Variants in ZFP69 observed in about 807,000 individuals in gnomAD.
ZFP69 encodes the protein zinc finger protein 69 homolog.
ZFP69 carries 35 observed loss-of-function variants against 48.9 expected under a neutral mutation model. The observed-to-expected ratio is 0.72, with a 90% CI of 0.55 to 0.95. ZFP69 has a LOEUF of 0.95. ZFP69 is among the 40% of genes least tolerant of loss of function. The pLI is 0.00. For synonymous variants in ZFP69, 193 were observed against 216.8 expected (o/e 0.89, Z 0.96); for missense variants, 557 against 638.4 (o/e 0.87, Z 1.37).
chr1:40,478,207 C>G (rs1228681047), intron 1 of ZFP69, among the ~76,000 whole-genome samples: 1 of 151,908 alleles, frequency 6.6e-6, no homozygotes, highest in Non-Finnish European at 1.5e-5. Context: ...GGGCCAGCTC[C>G]CTTCCCACGT....
rs748207589 is a variant in ZFP69, at chr1:40,496,093, T to C, written c.*34T>C. ...ATTTGACTTGAGAACAAAAGCCAAG[T>C]GTAAATTGGTGATTTAGAGTGCTTT... is the stretch of plus-strand genomic sequence containing the variant. On this transcript the variant is annotated 3_prime_UTR_variant, in exon 6 of 6. Transcript: ENST00000372706. 5.2e-6 allele frequency: 8 copies of C among 1,526,202 alleles called. No individual in the cohort carries two copies. The highest frequency in any genetic ancestry group is 7.0e-6 in the Non-Finnish European group (8 of 1,140,274). The allele number at this position is 1,526,202 out of a possible 1,614,324, so 94.5% of individuals were successfully genotyped here.
chr1:40,490,461 C>T (rs1044692592), intron 5 of ZFP69, among the ~76,000 whole-genome samples: 1 of 152,154 alleles, frequency 6.6e-6, no homozygotes, highest in Non-Finnish European at 1.5e-5. Context: ...ATCACCCGTC[C>T]CTTCCTTACC....
At chr1:40,494,295 G>C (rs1269509670) in intron 5 of ZFP69, among the ~76,000 whole-genome samples, 1 of 105,172 alleles carries the variant, frequency 9.5e-6, no homozygotes, top group Non-Finnish European at 1.7e-5. Context: ...TTGAGACGGA[G>C]TCTCGCTCTG....
In ZFP69 at chr1:40,487,018, G is replaced by A. The variant is rs183763704; in HGVS notation, c.220-2070G>A. Reference sequence around the variant, plus strand: ...CGGCTCACTGCAACCTCCGCCTCCCGGGTTCAAGTGATTCTTCTGCCTCAG... The same window carrying A: ...CGGCTCACTGCAACCTCCGCCTCCCAGGTTCAAGTGATTCTTCTGCCTCAG... On this transcript the variant is annotated intron_variant, in intron 3 of 5. Transcript: ENST00000372706. 2.5e-3 allele frequency among the ~76,000 whole-genome samples: 375 copies of A among 149,042 alleles called. 3 individuals are homozygous for A. Among genetic ancestry groups the A allele is most frequent in the African/African-American group, 9.0e-3 (364 of 40,598 alleles).
chr1:40,479,908 C>T (rs1645427161), intron 2 of ZFP69, among the ~76,000 whole-genome samples: 1 of 152,152 alleles, frequency 6.6e-6, no homozygotes, highest in Non-Finnish European at 1.5e-5. Context: ...TGCTGAGAGG[C>T]AGGAATGACA....
intron 1 of ZFP69, among the ~76,000 whole-genome samples, chr1:40,478,435 A>G (rs1323884566): frequency 6.6e-6 from 1 of 152,114 alleles, no homozygotes; most frequent in Non-Finnish European, 1.5e-5. Flanking sequence ...GCATCTTCCC[A>G]GTGTGGTTCC....
In ZFP69 at chr1:40,479,344, TC is replaced by T; in HGVS notation, c.-16del. The stretch of plus-strand genomic sequence containing the variant: ...AATTTCCTCACCAGAAGTGGACAAG[TC>T]CAGTAAGGCAGGCATCATGCCACAG... On this transcript the variant is annotated 5_prime_UTR_variant, in exon 2 of 6. Coordinates refer to ENST00000372706, the MANE Select transcript of ZFP69 (RefSeq NM_001320179.2). The T allele has an allele frequency of 1.2e-6, 2 of 1,612,816 alleles. No homozygotes were observed. Among genetic ancestry groups the T allele is most frequent in the Non-Finnish European group, 1.7e-6 (2 of 1,179,400 alleles).
chr1:40,491,437 ATTTG>A (rs1310877746), intron 5 of ZFP69, among the ~76,000 whole-genome samples: 4 of 152,206 alleles, frequency 2.6e-5, no homozygotes, highest in African/African-American at 7.2e-5. Context: ...GGTATTACCA[ATTTG>A]CTCTTCAAAG....
intron 3 of ZFP69, among the ~76,000 whole-genome samples, chr1:40,487,242 G>T (rs2124450501): frequency 6.6e-6 from 1 of 152,254 alleles, no homozygotes; most frequent in South Asian, 2.1e-4. Context: ...TTCTTGAGCA[G>T]CGCAGGTTTG....
intron 3 of ZFP69, among the ~76,000 whole-genome samples, chr1:40,487,916 G>A (rs1299935458): frequency 7.2e-5 from 11 of 151,968 alleles, no homozygotes; most frequent in South Asian, 2.1e-4. Context: ...GCGTGGTGGC[G>A]TGCGCCTGTA....
intron 5 of ZFP69, among the ~76,000 whole-genome samples, chr1:40,491,771 G>GTGTGTA (rs1645571583): frequency 6.6e-6 from 1 of 151,096 alleles, no homozygotes; most frequent in African/African-American, 2.4e-5. Context: ...GTATGTGTGT[G>GTGTGTA]TGTGTGTGTG....
intron 2 of ZFP69, 100 bp downstream of exon 2, chr1:40,479,588 T>G (rs1645424596): frequency 3.1e-4 from 309 of 1,004,424 alleles, no homozygotes; most frequent in Non-Finnish European, 3.7e-4. Context: ...GGAGAGAAGG[T>G]CTCTGGGGGT....
chr1:40,489,200 A>T lies in ZFP69; in HGVS notation c.332A>T (p.Asn111Ile). 1 of 1,614,130 alleles carries T rather than the reference A, an allele frequency of 6.2e-7. No individual in the cohort carries two copies. The highest frequency in any genetic ancestry group is 1.1e-5 in the South Asian group (1 of 91,080). Residue 111 changes from asparagine (N) to isoleucine (I), a missense_variant, in exon 4 of 6, where the codon AAC becomes ATC. By Grantham distance (149) the Asn-to-Ile change is moderately radical. Transcript: ENST00000372706. ...YREVMLENYS[N>I]LVSVGYQLSK... ...GAGGTGATGCTGGAGAACTACAGCAACTTGGTGTCAGTGGGTAAGACTTGG... is the reference window on the plus strand; with the variant it reads ...GAGGTGATGCTGGAGAACTACAGCATCTTGGTGTCAGTGGGTAAGACTTGG...
intron 1 of ZFP69, among the ~76,000 whole-genome samples, chr1:40,478,122 T>TCACACACACACACA (rs5773698): frequency 0.012 from 1,819 of 147,240 alleles, 13 homozygotes; most frequent in Middle Eastern, 0.045. Flanking sequence ...CTGCATATAG[T>TCACACACACACACA]CACACACACA....
chr1:40,481,964 T>A, intron 3 of ZFP69, 110 bp downstream of exon 3: 1 of 691,060 alleles, frequency 1.4e-6, no homozygotes, highest in Non-Finnish European at 2.3e-6. Flanking sequence ...GTATTAAGAC[T>A]AACAAATTCA....
In ZFP69 at chr1:40,496,114, G is replaced by A. The variant is rs1325283549; in HGVS notation, c.*55G>A. ...CAAGTGTAAATTGGTGATTTAGAGT[G>A]CTTTAAAATTTCAGGACTCAGATAT... On this transcript the variant is annotated 3_prime_UTR_variant, in exon 6 of 6. Transcript: ENST00000372706. 2.7e-6 allele frequency: 4 copies of A among 1,502,450 alleles called. No homozygotes were observed. The highest frequency in any genetic ancestry group is 3.6e-6 in the Non-Finnish European group (4 of 1,126,696). The allele number at this position is 1,502,450 out of a possible 1,614,324, so 93.1% of individuals were successfully genotyped here.
At chr1:40,493,780 T>C (rs182580452) in intron 5 of ZFP69, 32 of 152,152 alleles carry the variant, frequency 2.1e-4, no homozygotes, top group African/African-American at 7.0e-4. Flanking sequence ...CTGTGTTGGC[T>C]AAAAAAAATC....
chr1:40,493,334 CTT>C (rs1268081808), intron 5 of ZFP69: 2 of 151,978 alleles, frequency 1.3e-5, no homozygotes, highest in Non-Finnish European at 2.9e-5. Flanking sequence ...TCCAATCACT[CTT>C]TGTATATTTT....
chr1:40,488,136 A>G (rs528374650), intron 3 of ZFP69, among the ~76,000 whole-genome samples: 2 of 150,054 alleles, frequency 1.3e-5, no homozygotes, highest in Admixed American at 1.3e-4. Flanking sequence ...GTGCATGTGT[A>G]TATACATACA....
Sources: gnomAD v4.1 joint callset for allele counts (sites outside exome capture counted in the v4.1 genomes callset) on GRCh38, gnomAD v4.1.1 for gene constraint, MANE v1.5 for transcripts, NCBI Gene and HGNC (gene_info 2026-07-23, HGNC 2026-07-21) for gene names.